UMAD1: variants seen among roughly 807,000 people sequenced by gnomAD.
UMAD1 encodes the protein UBAP1-MVB12-associated (UMA) domain containing 1.
UMAD1 carries 8 observed loss-of-function variants against 6.1 expected under a neutral mutation model. The ratio of observed to expected loss-of-function variants is 1.30; its 90% CI spans 0.76 to 2.35. UMAD1 has a LOEUF of 2.35. Ranked by LOEUF, UMAD1 falls within the 30% of genes most tolerant of loss-of-function variation. The pLI is 0.00. For synonymous variants in UMAD1, 56 were observed against 31.4 expected (o/e 1.78, Z -2.61); for missense variants, 130 against 78.4 (o/e 1.66, Z -2.49).
At chr7:7,863,246 C>T (rs13233755) in intron 3 of UMAD1, among the ~76,000 whole-genome samples, 14,080 of 152,164 alleles carry the variant, frequency 0.093, 819 homozygotes, top group Middle Eastern at 0.16. Context: ...AGTCACTAAC[C>T]TCTGAGCCTC....
rs531932304 is a variant in UMAD1 at position 7,723,761 on chromosome 7, G to A, written c.82+50308G>A. 4.6e-5 allele frequency among the ~76,000 whole-genome samples: 7 copies of A among 152,296 alleles called. No homozygotes were observed. In the South Asian group the frequency reaches 1.5e-3, roughly 32 times the overall value. On this transcript the variant is annotated intron_variant, in intron 2 of 3. Coordinates refer to ENST00000682710, the MANE Select transcript of UMAD1 (RefSeq NM_001302348.2). ...GGCAGGGGCCAAGTGGTGGCACTCAGCCGTCAAAGGCAAGGTAGGCATAGC... is the reference window on the plus strand; with the variant it reads ...GGCAGGGGCCAAGTGGTGGCACTCAACCGTCAAAGGCAAGGTAGGCATAGC...
In UMAD1 at chr7:7,709,197, T is replaced by C. The variant is rs570472694; in HGVS notation, c.82+35744T>C. 2.0e-5 allele frequency among the ~76,000 whole-genome samples: 3 copies of C among 152,346 alleles called. No individual in the cohort carries two copies. The South Asian group carries it at 6.2e-4, about 32-fold the overall frequency. ...AATTGACTGTCTTTGTTTTCCTATC[T>C]GTGTGCTGAGATTTATCTCAATTAT... On this transcript the variant is annotated intron_variant, in intron 2 of 3. Transcript: ENST00000682710.
Position 7,801,753 on chromosome 7 carries a change from A to G in UMAD1, c.156+10A>G. On this transcript the variant is annotated intron_variant, in intron 3 of 3. Coordinates refer to ENST00000682710, the MANE Select transcript of UMAD1 (RefSeq NM_001302348.2). ...CAACCAACCTTTGGAGGTAAGTGAA[A>G]CAGAGTAAGTCCTTTTCGGTGAAAC... The G allele has an allele frequency of 1.4e-6, 1 of 717,712 alleles. No homozygotes were observed. The highest frequency in any genetic ancestry group is 1.5e-5 in the South Asian group (1 of 67,508). The allele number at this position is 717,712 out of a possible 1,614,324, so 44.5% of individuals were successfully genotyped here.
At chr7:7,843,492 A>T (rs527602292) in intron 3 of UMAD1, among the ~76,000 whole-genome samples, 1 of 152,302 alleles carries the variant, frequency 6.6e-6, no homozygotes, top group Admixed American at 6.5e-5. Context: ...CTTTGAGTGG[A>T]TTGGCAATGA....
At chr7:7,778,052 G>A in intron 2 of UMAD1, among the ~76,000 whole-genome samples, 1 of 152,098 alleles carries the variant, frequency 6.6e-6, no homozygotes, top group East Asian at 1.9e-4. Flanking sequence ...CGCTATCAGT[G>A]TTACTCTCTA....
intron 2 of UMAD1, among the ~76,000 whole-genome samples, chr7:7,764,847 T>A (rs1218484220): frequency 1.3e-5 from 2 of 152,198 alleles, no homozygotes; most frequent in African/African-American, 4.8e-5. Flanking sequence ...CTTTGACTGC[T>A]TTACTTCTGA....
chr7:7,761,232 G>A (rs1412485720), intron 2 of UMAD1, among the ~76,000 whole-genome samples: 4 of 152,000 alleles, frequency 2.6e-5, no homozygotes, highest in African/African-American at 9.7e-5. Context: ...CAATATGGTG[G>A]TATGTGCCTG....
chr7:7,877,173 T>G (rs1488082615), intron 3 of UMAD1, 108 bp from the exon 4 acceptor site: 5 of 617,280 alleles, frequency 8.1e-6, no homozygotes, highest in Non-Finnish European at 1.5e-5. Context: ...CTGGGAATAT[T>G]TATATAGCCC....
chr7:7,820,768 TCCTA>T (rs1391184875), intron 3 of UMAD1, among the ~76,000 whole-genome samples: 1 of 152,184 alleles, frequency 6.6e-6, no homozygotes, highest in Non-Finnish European at 1.5e-5. Flanking sequence ...AATGTACAAT[TCCTA>T]CCAATTAGTC....
At chr7:7,690,192 A>G (rs1263494578) in intron 2 of UMAD1, among the ~76,000 whole-genome samples, 1 of 152,216 alleles carries the variant, frequency 6.6e-6, no homozygotes, top group Admixed American at 6.5e-5. Context: ...GTCTTTAACT[A>G]GCAACTCACC....
At chr7:7,741,613 A>ATAATAG (rs1563169856) in intron 2 of UMAD1, among the ~76,000 whole-genome samples, 1 of 148,660 alleles carries the variant, frequency 6.7e-6, no homozygotes, top group East Asian at 1.9e-4. Flanking sequence ...AATAATAATA[A>ATAATAG]TAAAAATAAT....
chr7:7,761,358 C>G (rs1781885231), intron 2 of UMAD1, among the ~76,000 whole-genome samples: 1 of 51,210 alleles, frequency 2.0e-5, no homozygotes, highest in African/African-American at 1.5e-4. Context: ...AAAGTGAGAC[C>G]TAACTAAAAA....
rs552083689 is a variant in UMAD1 at position 7,745,801 on chromosome 7, T to TC, written c.83-55864dup. On this transcript the variant is annotated intron_variant, in intron 2 of 3. Transcript: ENST00000682710. ...CTGTTTCCCCACATTTTCTTTCCAT[T>TC]CCCCCTCATTGGAGCTCTTTGCTCA... is the stretch of plus-strand genomic sequence containing the variant. Among the ~76,000 whole-genome samples the TC allele has an allele frequency of 4.6e-5, 7 of 152,304 alleles. No homozygotes were observed. In the East Asian group the frequency reaches 1.4e-3, roughly 29 times the overall value.
intron 2 of UMAD1, among the ~76,000 whole-genome samples, chr7:7,759,562 A>G (rs1289148585): frequency 6.6e-6 from 1 of 152,178 alleles, no homozygotes; most frequent in Non-Finnish European, 1.5e-5. Flanking sequence ...ATAAATGAAA[A>G]TCTAATGTAA....
intron 2 of UMAD1, among the ~76,000 whole-genome samples, chr7:7,711,230 C>A (rs558212823): frequency 6.6e-6 from 1 of 152,144 alleles, no homozygotes. Context: ...CATATAATTT[C>A]TCCAATCTGC....
chr7:7,851,119 C>G (rs1055825966), intron 3 of UMAD1, among the ~76,000 whole-genome samples: 1 of 152,076 alleles, frequency 6.6e-6, no homozygotes, highest in Non-Finnish European at 1.5e-5. Flanking sequence ...ATAGATTTAC[C>G]TATTCTGACT....
chr7:7,656,258 A>G (rs1450779632), intron 1 of UMAD1, among the ~76,000 whole-genome samples: 1 of 152,190 alleles, frequency 6.6e-6, no homozygotes, highest in Non-Finnish European at 1.5e-5. Context: ...AGGAGAAAAA[A>G]GAACAATGTA....
In UMAD1 at chr7:7,778,042, C is replaced by T. The variant is rs1414841016; in HGVS notation, c.83-23628C>T. Among the ~76,000 whole-genome samples, 8 of 152,262 alleles carry T rather than the reference C, an allele frequency of 5.3e-5. No homozygotes were observed. The South Asian group carries it at 6.2e-4, about 12-fold the overall frequency. ...CATTGCAGAAAAATATCTTCTTATT[C>T]GCTATCAGTGTTACTCTCTATTGAT... On this transcript the variant is annotated intron_variant, in intron 2 of 3. Coordinates refer to ENST00000682710, the MANE Select transcript of UMAD1 (RefSeq NM_001302348.2).
At chr7:7,746,869 C>A (rs572130257) in intron 2 of UMAD1, among the ~76,000 whole-genome samples, 5 of 152,112 alleles carry the variant, frequency 3.3e-5, no homozygotes, top group Admixed American at 2.6e-4. Context: ...AATCCTGTTT[C>A]TTATTGCTAT....
Sources: gnomAD v4.1 joint callset for allele counts (sites outside exome capture counted in the v4.1 genomes callset) on GRCh38, gnomAD v4.1.1 for gene constraint, MANE v1.5 for transcripts, NCBI Gene and HGNC (gene_info 2026-07-23, HGNC 2026-07-21) for gene names.